Variants in KIF26A observed in about 807,000 individuals in gnomAD.
KIF26A encodes the protein kinesin-like protein KIF26A.
In KIF26A, 74 loss-of-function variants were observed where a neutral mutation model predicts 126.0. The observed-to-expected ratio is 0.59, with a 90% CI of 0.49 to 0.71. The LOEUF (loss-of-function observed/expected upper bound fraction) is 0.71, where lower values mean the gene tolerates loss of function less well. Among genes scored for constraint, KIF26A ranks in the 30% least tolerant of loss-of-function variants. KIF26A has a pLI of 0.00. For synonymous variants in KIF26A, 1,445 were observed against 1,232.7 expected (o/e 1.17, Z -3.61); for missense variants, 2,984 against 2,763.3 (o/e 1.08, Z -1.79).
rs185572889 is a variant in KIF26A at position 104,177,474 on chromosome 14, T to C, written c.4686T>C (p.Ala1562=). ...TVMGTKQALR[A]AHSRVHELSA... ...TGGGCACAAAGCAGGCGCTCCGGGC[T>C]GCTCACAGCCGCGTCCATGAGCTGT... is the stretch of plus-strand genomic sequence containing the variant. The change falls in exon 12 of 15, where the codon GCT becomes GCC. Residue 1562 remains alanine (A), a synonymous_variant. Coordinates refer to ENST00000423312, the MANE Select transcript of KIF26A (RefSeq NM_015656.2). 5.9e-6 allele frequency: 9 copies of C among 1,532,858 alleles called. No individual in the cohort carries two copies. The highest frequency in any genetic ancestry group is 1.4e-5 in the African/African-American group (1 of 72,758). The allele number at this position is 1,532,858 out of a possible 1,614,324, so 95.0% of individuals were successfully genotyped here.
intron 4 of KIF26A, among the ~76,000 whole-genome samples, chr14:104,161,349 G>A (rs1353216975): frequency 6.6e-6 from 1 of 152,134 alleles, no homozygotes; most frequent in African/African-American, 2.4e-5. Flanking sequence ...GCCTCGCACG[G>A]CCCAGTGTGG....
At position 104,151,992 on chromosome 14, in the gene KIF26A, C is replaced by T. The variant is rs765751401; in HGVS notation, c.289-23C>T. The stretch of plus-strand genomic sequence containing the variant: ...CCTCCCTCCCCAGGCACTGACCCTG[C>T]CTTTGTCCCTTGCTGTCCTCAGGAT... On this transcript the variant is annotated intron_variant, in intron 2 of 14. Transcript: ENST00000423312. The surrounding 1 kb of genome is among the most constrained non-coding windows in gnomAD (Gnocchi z 4.9). The T allele has an allele frequency of 3.7e-6, 6 of 1,610,358 alleles. No homozygotes were observed. In the Admixed American group the frequency reaches 1.0e-4, roughly 27 times the overall value.
intron 5 of KIF26A, among the ~76,000 whole-genome samples, chr14:104,170,829 G>A (rs557903687): frequency 2.0e-5 from 3 of 152,358 alleles, no homozygotes; most frequent in East Asian, 3.9e-4. Context: ...GCCCCTCCCC[G>A]GCGTCTGCCC....
At chr14:104,170,551 CG>C (rs2037947226) in intron 5 of KIF26A, among the ~76,000 whole-genome samples, 1 of 152,220 alleles carries the variant, frequency 6.6e-6, no homozygotes, top group African/African-American at 2.4e-5. Context: ...AAATGAGTCT[CG>C]GGTAATTTGA....
chr14:104,157,858 T>G lies in KIF26A; in HGVS notation c.839T>G (p.Val280Gly). Residue 280 changes from valine to glycine, a missense_variant, in exon 4 of 15, where the codon GTC (valine) becomes GGC (glycine). Physicochemically the swap from Val to Gly is moderately radical, Grantham distance 109. Transcript: ENST00000423312. ...GLSKAWGRGG[V>G]CTSALVTPTP... The stretch of plus-strand genomic sequence containing the variant: ...TCGAAGGCCTGGGGCCGTGGTGGAG[T>G]CTGCACGTCAGCCCTGGTCACCCCC... 6.2e-7 allele frequency: 1 copy of G among 1,605,508 alleles called. No individual in the cohort carries two copies. Among genetic ancestry groups the G allele is most frequent in the South Asian group, 1.1e-5 (1 of 90,606 alleles).
chr14:104,180,114 G>C lies in KIF26A; in HGVS notation c.*324G>C, dbSNP rs1343640527. On this transcript the variant is annotated 3_prime_UTR_variant, in exon 15 of 15. Coordinates refer to ENST00000423312, the MANE Select transcript of KIF26A (RefSeq NM_015656.2). ...AAGTTGTGTTCAGCCCGGCCCCGCT[G>C]CGCCTGTCCGGGCCGGGGCTGGCGC... The C allele has an allele frequency of 3.6e-6, 1 of 278,094 alleles. No homozygotes were observed. The highest frequency in any genetic ancestry group is 5.0e-5 in the Admixed American group (1 of 20,056). The allele number at this position is 278,094 out of a possible 1,614,324, so 17.2% of individuals were successfully genotyped here. A position where few individuals can be genotyped will look rare whatever the true frequency, so the allele number is the denominator to read the frequency against.
In KIF26A at chr14:104,157,895, G is replaced by T; in HGVS notation, c.876G>T (p.Ser292=). The T allele has an allele frequency of 5.1e-6, 8 of 1,567,232 alleles. No homozygotes were observed. The highest frequency in any genetic ancestry group is 6.9e-6 in the Non-Finnish European group (8 of 1,154,232). Residue 292 remains serine (S), a synonymous_variant, in exon 4 of 15, where the codon TCG becomes TCT. Transcript: ENST00000423312. ...CCCTGGTCACCCCCACCCCGGGCTC[G>T]GTGGGGGGCTCCACAGGCCCCTCAG... ...TSALVTPTPG[S]VGGSTGPSAA...
In KIF26A at chr14:104,177,060, C is replaced by T; in HGVS notation, c.4272C>T (p.Ser1424=). 1 of 1,589,988 alleles carries T rather than the reference C, an allele frequency of 6.3e-7. No individual in the cohort carries two copies. The highest frequency in any genetic ancestry group is 2.2e-5 in the East Asian group (1 of 44,480). ...RATSSLKARA[S]KVEAAHRLAG... is the part of the protein sequence containing the mutation. Reference sequence around the variant, plus strand: ...CGTCCAGCCTGAAGGCCCGGGCCAGCAAGGTAGAAGCAGCACACCGTCTTG... The same window carrying T: ...CGTCCAGCCTGAAGGCCCGGGCCAGTAAGGTAGAAGCAGCACACCGTCTTG... The change falls in exon 12 of 15, where the codon AGC becomes AGT. Residue 1424 remains serine, a synonymous_variant. Transcript: ENST00000423312.
At position 104,177,831 on chromosome 14, in the gene KIF26A, C is replaced by G; in HGVS notation, c.5043C>G (p.Ser1681Arg). Residue 1681 changes from serine (S) to arginine (R), a missense_variant, in exon 12 of 15, where the codon AGC becomes AGG. Physicochemically the swap from Ser to Arg is moderately radical, Grantham distance 110 (BLOSUM62 -1). Transcript: ENST00000423312. Reference protein sequence around the residue: ...GSASSAPDSMSESGAASPGAR... With the variant: ...GSASSAPDSMRESGAASPGAR... ...CCTCCTCCGCCCCTGACTCCATGAG[C>G]GAGAGTGGGGCTGCCTCCCCAGGCG... 2 of 1,568,674 alleles carry G rather than the reference C, an allele frequency of 1.3e-6. No homozygotes were observed. The highest frequency in any genetic ancestry group is 1.7e-6 in the Non-Finnish European group (2 of 1,165,102).
In KIF26A at chr14:104,179,946, G is replaced by A. The variant is rs1429843011; in HGVS notation, c.*156G>A. On this transcript the variant is annotated 3_prime_UTR_variant, in exon 15 of 15. Coordinates refer to ENST00000423312, the MANE Select transcript of KIF26A (RefSeq NM_015656.2). ...GAGGAGACGGAGTGTGGGGGAGGGA[G>A]GGCCGGCCACGCGGTGGACAGAGCG... 5 of 813,442 alleles carry A rather than the reference G, an allele frequency of 6.1e-6. No homozygotes were observed. Among genetic ancestry groups the A allele is most frequent in the Non-Finnish European group, 7.3e-6 (4 of 544,634 alleles). 50.4% of individuals were successfully genotyped at this position (813,442 alleles called of 1,614,324 possible).
At chr14:104,140,829 A>G (rs74087169) in intron 2 of KIF26A, among the ~76,000 whole-genome samples, 2,641 of 152,118 alleles carry the variant, frequency 0.017, 68 homozygotes, top group African/African-American at 0.061. Flanking sequence ...CCCCTTCCCT[A>G]GCTGGCGCTG....
At chr14:104,163,819 A>G (rs988132033) in intron 4 of KIF26A, among the ~76,000 whole-genome samples, 7 of 151,804 alleles carry the variant, frequency 4.6e-5, no homozygotes, top group African/African-American at 1.7e-4. Context: ...GCATTTACCC[A>G]ATACCGTGCC....
In KIF26A at chr14:104,151,134, T is replaced by C. The variant is rs1596134642; in HGVS notation, c.289-881T>C. ...TTCCCTCCCAGTGAGCTTTGCTCTGTGGCTTGTCTCCTTCTTGCTCCTCCT... is the reference window on the plus strand; with the variant it reads ...TTCCCTCCCAGTGAGCTTTGCTCTGCGGCTTGTCTCCTTCTTGCTCCTCCT... On this transcript the variant is annotated intron_variant, in intron 2 of 14. Transcript: ENST00000423312. This position sits in a 1 kb window ranked among gnomAD's most constrained non-coding sequence, Gnocchi z 4.9. Among the ~76,000 whole-genome samples the C allele has an allele frequency of 6.6e-6, 1 of 152,176 alleles. No individual in the cohort carries two copies. Among genetic ancestry groups the C allele is most frequent in the Admixed American group, 6.5e-5 (1 of 15,286 alleles).
chr14:104,144,924 G>C (rs1188449651), intron 2 of KIF26A, among the ~76,000 whole-genome samples: 4 of 152,208 alleles, frequency 2.6e-5, no homozygotes, highest in Non-Finnish European at 5.9e-5. Context: ...GTGCTGTTGG[G>C]GGGAGTGGCT....
intron 2 of KIF26A, among the ~76,000 whole-genome samples, chr14:104,139,830 T>C (rs570000541): frequency 2.6e-4 from 39 of 152,306 alleles, no homozygotes; most frequent in African/African-American, 9.1e-4. Context: ...CCTCCTGGGA[T>C]AGACTGAGGC....
rs1004678812 is a variant in KIF26A at position 104,179,353 on chromosome 14, C to G, written c.5434C>G (p.Leu1812Val). 1.3e-6 allele frequency: 2 copies of G among 1,538,002 alleles called. No individual in the cohort carries two copies. Among genetic ancestry groups the G allele is most frequent in the Non-Finnish European group, 1.7e-6 (2 of 1,145,376 alleles). ...CEELAETQGR[L>V]MLEPGRWLEQ... The stretch of plus-strand genomic sequence containing the variant: ...GGAGCTGGCCGAGACCCAGGGCCGG[C>G]TGATGCTGGAGCCTGGCCGCTGGCT... Residue 1812 changes from leucine (L) to valine (V), a missense_variant, in exon 14 of 15, where the codon CTG becomes GTG. Transcript: ENST00000423312.
intron 2 of KIF26A, among the ~76,000 whole-genome samples, chr14:104,146,223 G>A (rs1294707256): frequency 2.0e-5 from 3 of 152,208 alleles, no homozygotes; most frequent in Non-Finnish European, 4.4e-5. Flanking sequence ...GGCTGTGCAG[G>A]GAGGCCTGGG....
At chr14:104,166,095 T>G (rs2037896320) in intron 4 of KIF26A, among the ~76,000 whole-genome samples, 1 of 151,960 alleles carries the variant, frequency 6.6e-6, no homozygotes, top group African/African-American at 2.4e-5. Flanking sequence ...CAGGGTGGGC[T>G]TTGGGGTGGG....
chr14:104,158,800 G>A (rs774809666), intron 4 of KIF26A, among the ~76,000 whole-genome samples: 1 of 152,198 alleles, frequency 6.6e-6, no homozygotes, highest in Non-Finnish European at 1.5e-5. Flanking sequence ...GGCCCTTCCC[G>A]GCAGGGCCTT....
Sources: allele counts gnomAD v4.1 joint callset (sites outside exome capture counted in the v4.1 genomes callset), GRCh38; gene constraint gnomAD v4.1.1; non-coding constraint Gnocchi (gnomAD v3.1); transcripts MANE v1.5; gene names NCBI Gene and HGNC (gene_info 2026-07-23, HGNC 2026-07-21).